SUCLG2: variants seen among roughly 807,000 people sequenced by gnomAD.
The protein encoded by SUCLG2 is succinate-CoA ligase GDP-forming subunit beta, also known as succinate--CoA ligase [GDP-forming] subunit beta, mitochondrial.
In SUCLG2, 42 loss-of-function variants were observed where a neutral mutation model predicts 47.9. The ratio of observed to expected loss-of-function variants is 0.88; its 90% CI spans 0.69 to 1.14. SUCLG2 has a LOEUF of 1.14. Among genes scored for constraint, SUCLG2 ranks in the 50% most tolerant of loss-of-function variants. SUCLG2 has a pLI of 0.00. For synonymous variants in SUCLG2, 195 were observed against 197.3 expected, an observed-to-expected ratio of 0.99 and a Z score of 0.10; for missense variants, 571 against 525.9, an observed-to-expected ratio of 1.09 and a Z score of -0.84.
rs1483968302 is a variant in SUCLG2 at position 67,425,518 on chromosome 3, A to AT, written c.1063-24668dup. ...CATCCAATCTGTTGGGGGCCTAAGCATAAAAAAAAAGGTGGAAGAAGGGAG... is the reference window on the plus strand; with the variant it reads ...CATCCAATCTGTTGGGGGCCTAAGCATTAAAAAAAAAGGTGGAAGAAGGGAG... On this transcript the variant is annotated intron_variant, in intron 9 of 10. Transcript: ENST00000307227. Among the ~76,000 whole-genome samples, 3 of 152,140 alleles carry AT rather than the reference A, an allele frequency of 2.0e-5. No individual in the cohort carries two copies. The East Asian group carries it at 5.8e-4, about 29-fold the overall frequency.
chr3:67,562,782 C>T (rs763863263), intron 2 of SUCLG2, among the ~76,000 whole-genome samples: 1 of 152,156 alleles, frequency 6.6e-6, no homozygotes, highest in Non-Finnish European at 1.5e-5. Context: ...TGCCTCAATA[C>T]AACATCTGGC....
chr3:67,427,245 T>C (rs6773425), intron 9 of SUCLG2, among the ~76,000 whole-genome samples: 55,082 of 152,000 alleles, frequency 0.36, 10,193 homozygotes, highest in South Asian at 0.44. Flanking sequence ...ACTGAATTTA[T>C]TGTTGTAAGA....
chr3:67,652,175 A>C (rs13315729), intron 1 of SUCLG2, among the ~76,000 whole-genome samples: 2,031 of 149,960 alleles, frequency 0.014, 38 homozygotes, highest in East Asian at 0.049. Flanking sequence ...AAAAAAAAAA[A>C]CTTCAATGAC....
chr3:67,394,447 T>C (rs1454337232), intron 10 of SUCLG2, among the ~76,000 whole-genome samples: 1 of 145,350 alleles, frequency 6.9e-6, no homozygotes, highest in Admixed American at 7.0e-5. Flanking sequence ...ATGAATGAAA[T>C]GAAGCGAGAA....
At chr3:67,649,557 C>T (rs941307214) in intron 1 of SUCLG2, among the ~76,000 whole-genome samples, 1 of 152,148 alleles carries the variant, frequency 6.6e-6, no homozygotes, top group African/African-American at 2.4e-5. Context: ...TCCACCTCTC[C>T]CTTCTCCATA....
At chr3:67,593,021 T>C (rs1559587175) in intron 2 of SUCLG2, among the ~76,000 whole-genome samples, 1 of 152,196 alleles carries the variant, frequency 6.6e-6, no homozygotes, top group Non-Finnish European at 1.5e-5. Flanking sequence ...AAAATGACCT[T>C]TGTTAGTGAC....
At chr3:67,449,031 C>T (rs1319079020) in intron 9 of SUCLG2, among the ~76,000 whole-genome samples, 1 of 152,226 alleles carries the variant, frequency 6.6e-6, no homozygotes, top group South Asian at 2.1e-4. Flanking sequence ...CACAGAAACA[C>T]ATTATTTTAC....
chr3:67,408,948 A>T lies in SUCLG2; in HGVS notation c.1063-8097T>A, dbSNP rs191214414. 487 of 1,534,316 alleles carry T rather than the reference A, an allele frequency of 3.2e-4. 2 individuals carry two copies. The East Asian group carries it at 7.6e-3, about 24-fold the overall frequency. On this transcript the variant is annotated intron_variant, in intron 9 of 10. Coordinates refer to ENST00000307227, the MANE Select transcript of SUCLG2 (RefSeq NM_003848.4). ...AAGATGAGTCAGGAGTTCCAGCTCCATATTGGTCCTATTTCCAAGCTTCAA... is the reference window on the plus strand; with the variant it reads ...AAGATGAGTCAGGAGTTCCAGCTCCTTATTGGTCCTATTTCCAAGCTTCAA...
intron 2 of SUCLG2, among the ~76,000 whole-genome samples, chr3:67,555,429 G>A (rs1006303139): frequency 6.6e-5 from 10 of 151,996 alleles, no homozygotes; most frequent in African/African-American, 2.2e-4. Context: ...CTCCTGAGAT[G>A]GCCTAAAAGC....
rs1323534789 is a variant in SUCLG2, at chr3:67,651,104, A to G, written c.84+3399T>C. On this transcript the variant is annotated intron_variant, in intron 1 of 10. Transcript: ENST00000307227. ...TAACCATGGTTAGACCCTTACTGCT[A>G]AATTCACTGAACACCACTCTGCTAA... is the stretch of plus-strand genomic sequence containing the variant. 3.9e-5 allele frequency among the ~76,000 whole-genome samples: 6 copies of G among 152,316 alleles called. No homozygotes were observed. The East Asian group carries it at 1.2e-3, about 29-fold the overall frequency.
chr3:67,376,011 T>A (rs1436251274), intron 10 of SUCLG2, 152 bp from the exon 11 acceptor site: 6 of 1,390,690 alleles, frequency 4.3e-6, no homozygotes, highest in Non-Finnish European at 5.6e-6. Context: ...ACAGAAAAGA[T>A]TATGTGATGA....
chr3:67,408,487 C>A, intron 9 of SUCLG2: 2 of 437,788 alleles, frequency 4.6e-6, no homozygotes, highest in Non-Finnish European at 6.1e-6. Context: ...ATTCCAACTT[C>A]TCTGAACTGA....
chr3:67,383,716 C>T (rs1000318217), intron 10 of SUCLG2, among the ~76,000 whole-genome samples: 1 of 152,076 alleles, frequency 6.6e-6, no homozygotes, highest in Non-Finnish European at 1.5e-5. Context: ...TCACTGAGAG[C>T]TGATGCTACG....
At chr3:67,402,073 A>G (rs1186869833) in intron 9 of SUCLG2, among the ~76,000 whole-genome samples, 1 of 152,138 alleles carries the variant, frequency 6.6e-6, no homozygotes, top group African/African-American at 2.4e-5. Flanking sequence ...CCAGCTCCCT[A>G]GATTGTCTAC....
intron 9 of SUCLG2, among the ~76,000 whole-genome samples, chr3:67,405,146 G>C (rs1016727265): frequency 1.3e-5 from 2 of 152,150 alleles, no homozygotes; most frequent in Non-Finnish European, 2.9e-5. Context: ...TGAGGCAGTT[G>C]AAGTGCCAGA....
chr3:67,523,480 G>T (rs935869293), intron 4 of SUCLG2, among the ~76,000 whole-genome samples: 8 of 152,156 alleles, frequency 5.3e-5, no homozygotes, highest in African/African-American at 1.9e-4. Context: ...CCAGTCTTCA[G>T]GTTGCTTGAA....
rs772832797 is a variant in SUCLG2 at position 67,528,227 on chromosome 3, G to C, written c.327-5C>G. 1.2e-5 allele frequency: 20 copies of C among 1,612,778 alleles called. No individual in the cohort carries two copies. The Admixed American group carries it at 2.7e-4, about 22-fold the overall frequency. On this transcript the variant is annotated splice_region_variant and splice_polypyrimidine_tract_variant and intron_variant, in intron 3 of 10. Coordinates refer to ENST00000307227, the MANE Select transcript of SUCLG2 (RefSeq NM_003848.4). ...AGCTGTCCCACAACATTAGGGCTAA[G>C]AGAAAGAGAAAACAAGCAGAAAATG...
At chr3:67,550,025 C>A (rs1484714268) in intron 2 of SUCLG2, among the ~76,000 whole-genome samples, 1 of 152,184 alleles carries the variant, frequency 6.6e-6, no homozygotes, top group African/African-American at 2.4e-5. Flanking sequence ...TTCTTCATTT[C>A]ATGGGAGGAG....
chr3:67,482,182 A>AGAAGGAAGGAAGGAAGGAAG (rs146705714), intron 9 of SUCLG2, among the ~76,000 whole-genome samples: 58 of 151,772 alleles, frequency 3.8e-4, no homozygotes, highest in Admixed American at 2.5e-3. Flanking sequence ...TATCTCAATA[A>AGAAGGAAGGAAGGAAGGAAG]GAAGGAAGGA....
Sources: gnomAD v4.1 joint callset for allele counts (sites outside exome capture counted in the v4.1 genomes callset) on GRCh38, gnomAD v4.1.1 for gene constraint, MANE v1.5 for transcripts, NCBI Gene and HGNC (gene_info 2026-07-23, HGNC 2026-07-21) for gene names.